Variants in CFAP65 observed in about 807,000 individuals in gnomAD.
The protein encoded by CFAP65 is cilia and flagella associated protein 65.
CFAP65 carries 155 observed loss-of-function variants against 208.0 expected under a neutral mutation model. The ratio of observed to expected loss-of-function variants is 0.75; its 90% CI spans 0.65 to 0.85. CFAP65 has a LOEUF of 0.85. Ranked by LOEUF, CFAP65 falls within the 40% of genes least tolerant of loss-of-function variation. CFAP65 has a pLI of 0.00. For synonymous variants in CFAP65, 970 were observed against 986.3 expected, an observed-to-expected ratio of 0.98 and a Z score of 0.31; for missense variants, 2,294 against 2,451.3, an observed-to-expected ratio of 0.94 and a Z score of 1.36.
intron 5 of CFAP65, chr2:219,034,342 C>G (rs1204084003): frequency 6.6e-6 from 1 of 152,156 alleles, no homozygotes; most frequent in African/African-American, 2.4e-5. Flanking sequence ...AGGACGTATA[C>G]TACCAGCTAT....
rs748827981 is a variant in CFAP65, at chr2:219,022,234, G to A, written c.2916C>T (p.Asn972=). 3.1e-6 allele frequency: 5 copies of A among 1,606,712 alleles called. No individual in the cohort carries two copies. The East Asian group carries it at 8.9e-5, about 29-fold the overall frequency. The change falls in exon 17 of 35, where the codon AAC becomes AAT. Residue 972 remains asparagine, a synonymous_variant. Transcript: ENST00000341552. ...GCATGTAGTGGGTGGTGGCAGCGGGGTTGGCATTTGGGGACAGGCCGGCTT... is the reference window on the plus strand; with the variant it reads ...GCATGTAGTGGGTGGTGGCAGCGGGATTGGCATTTGGGGACAGGCCGGCTT... ...VWEAGLSPNA[N]PAATTHYMLR... is the part of the protein sequence containing the mutation.
chr2:219,022,228 A>G lies in CFAP65; in HGVS notation c.2922T>C (p.Ala974=). Residue 974 remains alanine (A), a synonymous_variant, in exon 17 of 35, where the codon GCT becomes GCC. Transcript: ENST00000341552. Reference sequence around the variant, plus strand: ...GCCGGAGCATGTAGTGGGTGGTGGCAGCGGGGTTGGCATTTGGGGACAGGC... The same window carrying G: ...GCCGGAGCATGTAGTGGGTGGTGGCGGCGGGGTTGGCATTTGGGGACAGGC... ...EAGLSPNANP[A]ATTHYMLRLV... is the part of the protein sequence containing the mutation. The G allele has an allele frequency of 6.2e-7, 1 of 1,606,564 alleles. No homozygotes were observed. Among genetic ancestry groups the G allele is most frequent in the Middle Eastern group, 1.7e-4 (1 of 6,052 alleles).
chr2:219,032,617 A>G lies in CFAP65; in HGVS notation c.543-45T>C, dbSNP rs1447397143. The G allele has an allele frequency of 6.6e-7, 1 of 1,516,300 alleles. No homozygotes were observed. The highest frequency in any genetic ancestry group is 2.0e-5 in the Admixed American group (1 of 50,912). The allele number at this position is 1,516,300 out of a possible 1,614,324, so 93.9% of individuals were successfully genotyped here. A position where few individuals can be genotyped will look rare whatever the true frequency, so the allele number is the denominator to read the frequency against. On this transcript the variant is annotated intron_variant, in intron 5 of 34. Transcript: ENST00000341552. The surrounding 1 kb of genome is among the most constrained non-coding windows in gnomAD (Gnocchi z 5.5). The stretch of plus-strand genomic sequence containing the variant: ...GGGAGCACCTCAGATCAGGGCTCAG[A>G]ACAACTGGAAGAGGCAGGAAACGAG...
In CFAP65 at chr2:219,038,300, C is replaced by T. The variant is rs529480899; in HGVS notation, c.357+75G>A. Reference sequence around the variant, plus strand: ...GAGTCAGGGCCTCTCAAGATTCCCACCCCACTGCCCTGCCACCCATGCCCC... The same window carrying T: ...GAGTCAGGGCCTCTCAAGATTCCCATCCCACTGCCCTGCCACCCATGCCCC... On this transcript the variant is annotated intron_variant, in intron 4 of 34. Coordinates refer to ENST00000341552, the MANE Select transcript of CFAP65 (RefSeq NM_194302.4). 128 of 1,431,974 alleles carry T rather than the reference C, an allele frequency of 8.9e-5. 1 individual carries two copies. The African/African-American group carries it at 1.7e-3, about 19-fold the overall frequency. 88.7% of individuals were successfully genotyped at this position (1,431,974 alleles called of 1,614,324 possible).
chr2:219,016,544 C>T (rs1946897281), intron 21 of CFAP65, among the ~76,000 whole-genome samples: 1 of 152,068 alleles, frequency 6.6e-6, no homozygotes, highest in South Asian at 2.1e-4. Context: ...ATCTTCCCAC[C>T]TCGGCCTCCC....
At chr2:219,026,182 GA>G (rs1322818735) in intron 13 of CFAP65, 23 bp from the exon 14 acceptor site, 6 of 1,598,846 alleles carry the variant, frequency 3.8e-6, no homozygotes, top group Non-Finnish European at 5.1e-6. Flanking sequence ...CAGACCCACG[GA>G]AAAGCTCAGA....
Position 219,009,797 on chromosome 2 carries a change from G to A in CFAP65, c.4452+145C>T, listed in dbSNP as rs1300408493. The A allele has an allele frequency of 1.1e-4, 52 of 474,088 alleles. 2 individuals are homozygous for A. In the South Asian group the frequency reaches 1.6e-3, roughly 15 times the overall value. 29.4% of individuals were successfully genotyped at this position (474,088 alleles called of 1,614,324 possible). A position where few individuals can be genotyped will look rare whatever the true frequency, so the allele number is the denominator to read the frequency against. ...GGGATGGAGTGGGGTGGGATAGGGT[G>A]GGATGGGATGGAGTGGGGGGGGATG... On this transcript the variant is annotated intron_variant, in intron 27 of 34. Transcript: ENST00000341552.
intron 18 of CFAP65, 89 bp from the exon 19 acceptor site, chr2:219,021,369 A>AC: frequency 7.1e-7 from 1 of 1,403,714 alleles, no homozygotes; most frequent in Non-Finnish European, 9.4e-7. Flanking sequence ...CCTGGGCACC[A>AC]GGGGAGGACA....
chr2:219,032,358 C>T lies in CFAP65; in HGVS notation c.645+112G>A, dbSNP rs1390437420. On this transcript the variant is annotated intron_variant, in intron 6 of 34. Coordinates refer to ENST00000341552, the MANE Select transcript of CFAP65 (RefSeq NM_194302.4). This position sits in a 1 kb window ranked among gnomAD's most constrained non-coding sequence, Gnocchi z 5.5. ...CTCCCAAGCTGGATTGCTGCTGGAG[C>T]GGGCAGCATGTGTGTGTGCCGGGGC... 6 of 845,662 alleles carry T rather than the reference C, an allele frequency of 7.1e-6. No homozygotes were observed. The highest frequency in any genetic ancestry group is 3.8e-5 in the South Asian group (2 of 52,778). 52.4% of individuals were successfully genotyped at this position (845,662 alleles called of 1,614,324 possible). A position where few individuals can be genotyped will look rare whatever the true frequency, so the allele number is the denominator to read the frequency against.
chr2:219,026,240 C>G, intron 13 of CFAP65, 81 bp from the exon 14 acceptor site: 2 of 1,481,702 alleles, frequency 1.3e-6, no homozygotes, highest in East Asian at 4.7e-5. Context: ...CCTCCTTGCC[C>G]TTGTGCTGCA....
At chr2:219,013,843 AG>A in intron 22 of CFAP65, 24 bp downstream of exon 22, 1 of 1,493,572 alleles carries the variant, frequency 6.7e-7, no homozygotes, top group Non-Finnish European at 9.0e-7. Context: ...CTGGAAGTGC[AG>A]GGGGTTTGGG....
chr2:219,033,434 C>T (rs1244686952), intron 5 of CFAP65, among the ~76,000 whole-genome samples: 2 of 151,008 alleles, frequency 1.3e-5, no homozygotes, highest in East Asian at 3.9e-4. Context: ...CATGTTAATG[C>T]CACTATACTC....
rs762485124 is a variant in CFAP65 at position 219,039,067 on chromosome 2, A to C, written c.-2-17T>G. The C allele has an allele frequency of 3.8e-5, 61 of 1,584,830 alleles. No individual in the cohort carries two copies. The South Asian group carries it at 6.3e-4, about 16-fold the overall frequency. ...TAAACATCACTGAAATAAATCAATC[A>C]AAGCATAAGTCAATCCATCTCCAGA... On this transcript the variant is annotated splice_polypyrimidine_tract_variant and intron_variant, in intron 2 of 34. Transcript: ENST00000341552.
chr2:219,024,485 G>C (rs1947498043), intron 14 of CFAP65, among the ~76,000 whole-genome samples: 2 of 99,038 alleles, frequency 2.0e-5, no homozygotes, highest in Non-Finnish European at 3.8e-5. Context: ...CGGGGGGGGG[G>C]CAGGGGGGCG....
At position 219,022,196 on chromosome 2, in the gene CFAP65, C is replaced by G. The variant is rs766504669; in HGVS notation, c.2954G>C (p.Gly985Ala). 3.1e-5 allele frequency: 50 copies of G among 1,603,466 alleles called. No homozygotes were observed. Among genetic ancestry groups the G allele is most frequent in the Non-Finnish European group, 4.3e-5 (50 of 1,175,404 alleles). The change falls in exon 17 of 35, where the codon GGC becomes GCC. Residue 985 changes from glycine to alanine, a missense_variant. By Grantham distance (60) the Gly-to-Ala change is moderately conservative (BLOSUM62 0). Coordinates refer to ENST00000341552, the MANE Select transcript of CFAP65 (RefSeq NM_194302.4). The stretch of plus-strand genomic sequence containing the variant: ...AGAGAGGCTGCTGGTGAGCCCAACG[C>G]CCACCAGCCGGAGCATGTAGTGGGT... ...ATTHYMLRLV[G>A]VGLTSSLSAK...
At position 219,032,461 on chromosome 2, in the gene CFAP65, A is replaced by G. The variant is rs1363081325; in HGVS notation, c.645+9T>C. On this transcript the variant is annotated intron_variant, in intron 6 of 34. Coordinates refer to ENST00000341552, the MANE Select transcript of CFAP65 (RefSeq NM_194302.4). The surrounding 1 kb of genome is among the most constrained non-coding windows in gnomAD (Gnocchi z 5.5). ...CCTCCCTGCCCTCACTCGCTGTGGC[A>G]GACCTTACCGCCTCCAGAGGCCGGA... The G allele has an allele frequency of 1.3e-6, 2 of 1,576,590 alleles. No individual in the cohort carries two copies. The highest frequency in any genetic ancestry group is 1.7e-6 in the Non-Finnish European group (2 of 1,160,694).
At chr2:219,035,421 G>C (rs1236041151) in intron 5 of CFAP65, 59 bp downstream of exon 5, 4 of 1,613,988 alleles carry the variant, frequency 2.5e-6, no homozygotes, top group South Asian at 1.1e-5. Flanking sequence ...GTTTTGAAGA[G>C]AGCCTGCTTT....
chr2:219,018,769 A>G (rs919989355), intron 21 of CFAP65: 10 of 433,580 alleles, frequency 2.3e-5, no homozygotes, highest in African/African-American at 7.9e-5. Context: ...ATGCCCAGTG[A>G]ATGTGTCTCA....
In CFAP65 at chr2:219,002,886, G is replaced by C. The variant is rs1385960084; in HGVS notation, c.*51C>G. 2 of 1,459,356 alleles carry C rather than the reference G, an allele frequency of 1.4e-6. No homozygotes were observed. The highest frequency in any genetic ancestry group is 2.8e-5 in the African/African-American group (2 of 71,498). 90.4% of individuals were successfully genotyped at this position (1,459,356 alleles called of 1,614,324 possible). A position where few individuals can be genotyped will look rare whatever the true frequency, so the allele number is the denominator to read the frequency against. ...AGATGCTTTTACTGGCGGTGGAGAG[G>C]GGGCCAGGCGTGACCCCTAGCGGCA... On this transcript the variant is annotated 3_prime_UTR_variant, in exon 35 of 35. Transcript: ENST00000341552. This position sits in a 1 kb window ranked among gnomAD's most constrained non-coding sequence, Gnocchi z 7.9.
Sources: gnomAD v4.1 joint callset for allele counts (sites outside exome capture counted in the v4.1 genomes callset) on GRCh38, gnomAD v4.1.1 for gene constraint, Gnocchi (gnomAD v3.1) non-coding constraint, MANE v1.5 for transcripts, NCBI Gene and HGNC (gene_info 2026-07-23, HGNC 2026-07-21) for gene names.